Variants in LIN54 observed in about 807,000 individuals in gnomAD.
LIN54 encodes the protein protein lin-54 homolog.
Under a neutral mutation model 78.7 loss-of-function variants are expected in LIN54, and 9 were observed. That is an observed-to-expected ratio of 0.11 (90% CI 0.07 to 0.20). The LOEUF (loss-of-function observed/expected upper bound fraction) is 0.20. LIN54 is among the 10% of genes least tolerant of loss of function. The probability of loss-of-function intolerance (pLI) is 1.00; values close to 1 mark genes in which losing one functional copy is unlikely to be tolerated. For missense variants in LIN54, 573 were observed against 889.9 expected (o/e 0.64, Z 4.53); for synonymous variants, 269 against 318.4 (o/e 0.84, Z 1.65).
rs1016003542 is a variant in LIN54, at chr4:82,925,530, AAAGAG to A, written c.*2567_*2571del. The A allele has an allele frequency of 3.1e-5, 4 of 128,948 alleles. No homozygotes were observed. The highest frequency in any genetic ancestry group is 1.5e-4 in the African/African-American group (4 of 26,462). The allele number at this position is 128,948 out of a possible 1,614,324, so 8.0% of individuals were successfully genotyped here. ...CTCTTAAAAGAAACAGTGGGGAAAA[AAAGAG>A]AAGACATATTCTCATTTCAAAGCAA... On this transcript the variant is annotated 3_prime_UTR_variant, in exon 13 of 13. Coordinates refer to ENST00000340417, the MANE Select transcript of LIN54 (RefSeq NM_194282.4).
At chr4:82,965,640 T>G (rs1017162974) in intron 4 of LIN54, among the ~76,000 whole-genome samples, 15 of 152,092 alleles carry the variant, frequency 9.9e-5, no homozygotes, top group African/African-American at 3.6e-4. Flanking sequence ...GATTATGAAC[T>G]CCAGAAAAGG....
chr4:82,936,843 G>T (rs911969727), intron 9 of LIN54, among the ~76,000 whole-genome samples: 6 of 152,114 alleles, frequency 3.9e-5, no homozygotes, highest in Admixed American at 6.5e-5. Context: ...TTCATGTCAA[G>T]TCTTTTTAAT....
At chr4:82,983,588 C>CA (rs1250637753) in intron 2 of LIN54, among the ~76,000 whole-genome samples, 3 of 152,190 alleles carry the variant, frequency 2.0e-5, no homozygotes, top group Admixed American at 2.0e-4. Flanking sequence ...AGAGGCAACT[C>CA]AAGCCCAGTT....
rs528662652 is a variant in LIN54, at chr4:83,009,905, GTA to G, written c.-33+577_-33+578del. Reference sequence around the variant, plus strand: ...TAGGTTGGCGGGGGCAGGAGGGTGAGTATAGAGAAGAACTTCCCTGAAAAGCA... The same window carrying G: ...TAGGTTGGCGGGGGCAGGAGGGTGAGTAGAGAAGAACTTCCCTGAAAAGCA... On this transcript the variant is annotated intron_variant, in intron 1 of 12. Transcript: ENST00000340417. Among the ~76,000 whole-genome samples, 4 of 152,322 alleles carry G rather than the reference GTA, an allele frequency of 2.6e-5. No individual in the cohort carries two copies. In the South Asian group the frequency reaches 6.2e-4, roughly 24 times the overall value.
rs1167267364 is a variant in LIN54 at position 82,925,006 on chromosome 4, T to C, written c.*3096A>G. On this transcript the variant is annotated 3_prime_UTR_variant, in exon 13 of 13. Coordinates refer to ENST00000340417, the MANE Select transcript of LIN54 (RefSeq NM_194282.4). ...ATTTTTATTCACATTTTACATAAGA[T>C]TGAAAAAATGTCAGTTGTTCACTAC... 2 of 152,532 alleles carry C rather than the reference T, an allele frequency of 1.3e-5. No individual in the cohort carries two copies. Among genetic ancestry groups the C allele is most frequent in the Non-Finnish European group, 2.9e-5 (2 of 68,020 alleles). The allele number at this position is 152,532 out of a possible 1,614,324, so 9.4% of individuals were successfully genotyped here.
At position 82,928,312 on chromosome 4, in the gene LIN54, A is replaced by G. The variant is rs1721654361; in HGVS notation, c.2049-9T>C. The G allele has an allele frequency of 1.2e-6, 2 of 1,608,944 alleles. No homozygotes were observed. Among genetic ancestry groups the G allele is most frequent in the South Asian group, 2.2e-5 (2 of 90,978 alleles). ...CAAATGTAAATGGCAATCTGAAATGATTTTTGAAAGAGAAAGATGATGGTG... is the reference window on the plus strand; with the variant it reads ...CAAATGTAAATGGCAATCTGAAATGGTTTTTGAAAGAGAAAGATGATGGTG... On this transcript the variant is annotated splice_polypyrimidine_tract_variant and intron_variant, in intron 12 of 12. Coordinates refer to ENST00000340417, the MANE Select transcript of LIN54 (RefSeq NM_194282.4).
intron 1 of LIN54, among the ~76,000 whole-genome samples, chr4:82,995,888 G>C (rs1426059563): frequency 6.6e-6 from 1 of 151,508 alleles, no homozygotes; most frequent in Non-Finnish European, 1.5e-5. Context: ...GCTCACACCT[G>C]TAATCCCAGC....
At chr4:82,996,038 G>A (rs990501301) in intron 1 of LIN54, among the ~76,000 whole-genome samples, 4 of 151,874 alleles carry the variant, frequency 2.6e-5, no homozygotes, top group Admixed American at 1.3e-4. Flanking sequence ...CCAGCTACTC[G>A]GGAGGCTGAG....
At chr4:83,001,602 T>C (rs1407964358) in intron 1 of LIN54, among the ~76,000 whole-genome samples, 1 of 150,704 alleles carries the variant, frequency 6.6e-6, no homozygotes, top group Non-Finnish European at 1.5e-5. Flanking sequence ...TCCCAGCACC[T>C]TGGGAGGCCG....
At chr4:82,929,829 C>A (rs1198875586) in intron 12 of LIN54, among the ~76,000 whole-genome samples, 1 of 152,002 alleles carries the variant, frequency 6.6e-6, no homozygotes, top group Non-Finnish European at 1.5e-5. Flanking sequence ...AACAAAAAAC[C>A]AAAACTAATA....
chr4:82,939,102 TG>T (rs1722629336), intron 7 of LIN54, among the ~76,000 whole-genome samples: 1 of 152,212 alleles, frequency 6.6e-6, no homozygotes, highest in Non-Finnish European at 1.5e-5. Context: ...GATAGATCGC[TG>T]AAGATATGTC....
At chr4:82,994,974 GAGCAA>G (rs1728069172) in intron 1 of LIN54, among the ~76,000 whole-genome samples, 1 of 151,960 alleles carries the variant, frequency 6.6e-6, no homozygotes, top group South Asian at 2.1e-4. Flanking sequence ...TTTGAACTAG[GAGCAA>G]AGTCCAAACT....
At chr4:82,996,476 G>A (rs1728229412) in intron 1 of LIN54, among the ~76,000 whole-genome samples, 1 of 151,884 alleles carries the variant, frequency 6.6e-6, no homozygotes, top group African/African-American at 2.4e-5. Flanking sequence ...CATGATCTCA[G>A]CTCACTGCAA....
chr4:82,963,804 C>T (rs1724991997), intron 4 of LIN54, among the ~76,000 whole-genome samples: 1 of 151,838 alleles, frequency 6.6e-6, no homozygotes, highest in Non-Finnish European at 1.5e-5. Flanking sequence ...AAAGATGAGA[C>T]AAAGAGAAAA....
chr4:82,958,797 G>A (rs1208012439), intron 4 of LIN54, among the ~76,000 whole-genome samples: 1 of 152,120 alleles, frequency 6.6e-6, no homozygotes, highest in East Asian at 1.9e-4. Flanking sequence ...CCGCCTCCTG[G>A]GTTCAAGTGA....
intron 1 of LIN54, among the ~76,000 whole-genome samples, chr4:82,998,730 A>G (rs1285780589): frequency 6.6e-6 from 1 of 152,090 alleles, no homozygotes. Context: ...AATATATTAA[A>G]TATTTTTTGG....
rs781164813 is a variant in LIN54 at position 82,936,114 on chromosome 4, C to G, written c.1712G>C (p.Cys571Ser). ...AAAGGCTTCTGGATTTCTGTCAAGG[C>G]ATGCCTAGCAAAACAGATCAAATAT... is the stretch of plus-strand genomic sequence containing the variant. ...ENERQKAIKA[C>S]LDRNPEAFKP... The change falls in exon 11 of 13, where the codon TGC becomes TCC. Residue 571 changes from cysteine to serine, a missense_variant. By Grantham distance (112) the Cys-to-Ser change is moderately radical (BLOSUM62 -1). Coordinates refer to ENST00000340417, the MANE Select transcript of LIN54 (RefSeq NM_194282.4). 6.2e-7 allele frequency: 1 copy of G among 1,614,030 alleles called. No homozygotes were observed. The highest frequency in any genetic ancestry group is 1.7e-5 in the Admixed American group (1 of 60,030).
At chr4:82,969,831 T>C (rs1403047388) in intron 4 of LIN54, among the ~76,000 whole-genome samples, 1 of 152,230 alleles carries the variant, frequency 6.6e-6, no homozygotes, top group African/African-American at 2.4e-5. Flanking sequence ...TAAGAAAGCA[T>C]TTGAATGCTT....
rs577843873 is a variant in LIN54 at position 82,929,799 on chromosome 4, C to CT, written c.2048+1143dup. 5.9e-5 allele frequency among the ~76,000 whole-genome samples: 9 copies of CT among 152,220 alleles called. No individual in the cohort carries two copies. The East Asian group carries it at 1.5e-3, about 26-fold the overall frequency. ...CCAGCCTGGGCAACAGAGTGAGACTCTATCTCAAAAAGAAAACAAAACAAA... is the reference window on the plus strand; with the variant it reads ...CCAGCCTGGGCAACAGAGTGAGACTCTTATCTCAAAAAGAAAACAAAACAAA... On this transcript the variant is annotated intron_variant, in intron 12 of 12. Transcript: ENST00000340417.
Sources: allele counts gnomAD v4.1 joint callset (sites outside exome capture counted in the v4.1 genomes callset), GRCh38; gene constraint gnomAD v4.1.1; transcripts MANE v1.5; gene names NCBI Gene and HGNC (gene_info 2026-07-23, HGNC 2026-07-21).